Variants in CADM3 observed in about 807,000 individuals in gnomAD.
CADM3 encodes cell adhesion molecule 3.
Under a neutral mutation model 44.9 loss-of-function variants are expected in CADM3, and 11 were observed. The ratio of observed to expected loss-of-function variants is 0.25; its 90% CI spans 0.15 to 0.41. The LOEUF is 0.41. Among genes scored for constraint, CADM3 ranks in the 10% least tolerant of loss-of-function variants. The pLI is 1.00. For synonymous variants in CADM3, 207 were observed against 205.2 expected, an observed-to-expected ratio of 1.01 and a Z score of -0.08; for missense variants, 426 against 512.0, an observed-to-expected ratio of 0.83 and a Z score of 1.62.
intron 1 of CADM3, among the ~76,000 whole-genome samples, chr1:159,182,371 G>C (rs1034224593): frequency 2.0e-5 from 3 of 152,196 alleles, no homozygotes; most frequent in Non-Finnish European, 4.4e-5. Context: ...AAGAGTGGGT[G>C]TCAGCGGAAA....
chr1:159,177,254 C>T (rs758850144), intron 1 of CADM3, among the ~76,000 whole-genome samples: 1 of 152,082 alleles, frequency 6.6e-6, no homozygotes, highest in Non-Finnish European at 1.5e-5. Context: ...AGCACAGTCT[C>T]TTGACTGTGT....
At chr1:159,175,330 A>G (rs1352890969) in intron 1 of CADM3, among the ~76,000 whole-genome samples, 1 of 152,248 alleles carries the variant, frequency 6.6e-6, no homozygotes, top group Non-Finnish European at 1.5e-5. Context: ...AGTTAATTCC[A>G]TGAAGAATCA....
At chr1:159,197,091 A>C in intron 7 of CADM3, 31 bp downstream of exon 7, 1 of 1,603,366 alleles carries the variant, frequency 6.2e-7, no homozygotes, top group Non-Finnish European at 8.5e-7. Context: ...TTCCTCCAGA[A>C]TCTCCTTTCT....
At chr1:159,189,303 T>A (rs1174836693) in intron 1 of CADM3, among the ~76,000 whole-genome samples, 1 of 152,260 alleles carries the variant, frequency 6.6e-6, no homozygotes, top group African/African-American at 2.4e-5. Flanking sequence ...GGGTTACATG[T>A]GAAAGTATTT....
chr1:159,197,224 C>T lies in CADM3; in HGVS notation c.952+164C>T, dbSNP rs36042698. The T allele has an allele frequency of 2.1e-3, 1,351 of 635,826 alleles. 7 individuals are homozygous for T. Among genetic ancestry groups the T allele is most frequent in the African/African-American group, 0.02 (1,087 of 54,436 alleles). 39.4% of individuals were successfully genotyped at this position (635,826 alleles called of 1,614,324 possible). ...CCTGAGGGCTTAGGTCCCAGGTCCA[C>T]TCTAGAATGTGTAATGGCCGCTTAG... On this transcript the variant is annotated intron_variant, in intron 7 of 8. Transcript: ENST00000368125.
chr1:159,189,859 G>A, intron 1 of CADM3: 1 of 1,601,328 alleles, frequency 6.2e-7, no homozygotes, highest in East Asian at 2.2e-5. Context: ...GCCCTGACAT[G>A]CTGGCCAGTC....
At chr1:159,185,413 T>G (rs138299077) in intron 1 of CADM3, among the ~76,000 whole-genome samples, 1 of 151,974 alleles carries the variant, frequency 6.6e-6, no homozygotes, top group Admixed American at 6.6e-5. Flanking sequence ...ACACACAAAA[T>G]ACATGCTTCT....
At chr1:159,191,481 G>A (rs1261886754) in intron 1 of CADM3, among the ~76,000 whole-genome samples, 2 of 152,198 alleles carry the variant, frequency 1.3e-5, no homozygotes, top group African/African-American at 4.8e-5. Context: ...CCCCATTTTA[G>A]TTTTAGGATT....
rs1469007676 is a variant in CADM3, at chr1:159,199,751, A to G, written c.953A>G (p.Asp318Gly). Residue 318 changes from aspartate to glycine, a missense_variant and splice_region_variant, in exon 8 of 9, where the codon GAC becomes GGC. This residue lies in a region of CADM3 where 362 missense variants were observed against 474.6 expected (regional missense o/e 0.76). Transcript: ENST00000368125. ...YKAYYTLNVN[D>G]PSPVPSSSST... is the part of the protein sequence containing the mutation. ...CTGTGTGTGTTGCCCTTTCTTCCAG[A>G]CCCCAGTCCGGTGCCCTCCTCCTCC... 1 of 1,613,566 alleles carries G rather than the reference A, an allele frequency of 6.2e-7. No individual in the cohort carries two copies. The highest frequency in any genetic ancestry group is 8.5e-7 in the Non-Finnish European group (1 of 1,179,914).
rs1320650105 is a variant in CADM3, at chr1:159,174,939, CTT to C, written c.88+3088_88+3089del. The stretch of plus-strand genomic sequence containing the variant: ...AAAGATAGATAGACGGATAGCCTCT[CTT>C]TGTTTCAGATAAGGTTATAGCAATT... On this transcript the variant is annotated intron_variant, in intron 1 of 8. Coordinates refer to ENST00000368125, the MANE Select transcript of CADM3 (RefSeq NM_001127173.3). Among the ~76,000 whole-genome samples, 5 of 152,318 alleles carry C rather than the reference CTT, an allele frequency of 3.3e-5. No homozygotes were observed. The South Asian group carries it at 6.2e-4, about 19-fold the overall frequency.
At chr1:159,178,994 G>A (rs1252639480) in intron 1 of CADM3, among the ~76,000 whole-genome samples, 1 of 152,154 alleles carries the variant, frequency 6.6e-6, no homozygotes, top group Admixed American at 6.5e-5. Flanking sequence ...GAAACAAGGA[G>A]AAACTTCATT....
intron 1 of CADM3, among the ~76,000 whole-genome samples, chr1:159,181,914 T>C (rs1571008916): frequency 6.6e-6 from 1 of 152,100 alleles, no homozygotes; most frequent in East Asian, 1.9e-4. Flanking sequence ...TGCCTCCAGA[T>C]TTTTTCTCTC....
At chr1:159,182,227 C>T (rs1046746553) in intron 1 of CADM3, among the ~76,000 whole-genome samples, 25 of 152,180 alleles carry the variant, frequency 1.6e-4, no homozygotes, top group Non-Finnish European at 2.9e-4. Flanking sequence ...AGATGCCATC[C>T]GCCCCATCTT....
chr1:159,175,605 A>G (rs1380181322), intron 1 of CADM3, among the ~76,000 whole-genome samples: 1 of 152,248 alleles, frequency 6.6e-6, no homozygotes, highest in Admixed American at 6.5e-5. Context: ...GCTTTTACAC[A>G]TTCTTATAAT....
intron 1 of CADM3, among the ~76,000 whole-genome samples, chr1:159,184,480 C>CA (rs1264788432): frequency 2.0e-5 from 3 of 151,470 alleles, no homozygotes; most frequent in African/African-American, 4.9e-5. Flanking sequence ...ACTCAGGGAG[C>CA]TTTTTTTTTC....
rs1419848072 is a variant in CADM3 at position 159,199,858 on chromosome 1, T to C, written c.1060T>C (p.Tyr354His). The change falls in exon 8 of 9, where the codon TAC becomes CAC. Residue 354 changes from tyrosine to histidine, a missense_variant. Around this residue, in one of 2 missense-constraint regions of CADM3, gnomAD observed 362 missense variants for 474.6 expected, o/e 0.76. Coordinates refer to ENST00000368125, the MANE Select transcript of CADM3 (RefSeq NM_001127173.3). ...LLIMLIFLGH[Y>H]LIRHKGTYLT... ...CATCATGCTCATCTTCCTTGGCCAC[T>C]ACTTGATCCGGCACAAAGGTCAGAG... The C allele has an allele frequency of 5.0e-6, 8 of 1,613,984 alleles. No homozygotes were observed. Among genetic ancestry groups the C allele is most frequent in the Middle Eastern group, 1.7e-4 (1 of 6,054 alleles).
At chr1:159,180,488 G>A (rs1276581148) in intron 1 of CADM3, among the ~76,000 whole-genome samples, 2 of 152,180 alleles carry the variant, frequency 1.3e-5, no homozygotes, top group Non-Finnish European at 1.5e-5. Context: ...GAGATCTGTG[G>A]ACTTGGGAGA....
At chr1:159,192,422 T>G (rs568923586) in intron 2 of CADM3, among the ~76,000 whole-genome samples, 156 bp from the exon 3 acceptor site, 3 of 152,136 alleles carry the variant, frequency 2.0e-5, no homozygotes, top group Admixed American at 2.0e-4. Flanking sequence ...AGAAAAGTGA[T>G]TGAATAACTT....
intron 1 of CADM3, among the ~76,000 whole-genome samples, chr1:159,188,891 C>A (rs1250436843): frequency 6.6e-6 from 1 of 152,060 alleles, no homozygotes; most frequent in East Asian, 1.9e-4. Context: ...CTTAGTTTTC[C>A]TTGCAATACC....
Sources: allele counts gnomAD v4.1 joint callset (sites outside exome capture counted in the v4.1 genomes callset), GRCh38; gene constraint gnomAD v4.1.1; regional missense constraint gnomAD v4.1.1; transcripts MANE v1.5; gene names NCBI Gene and HGNC (gene_info 2026-07-23, HGNC 2026-07-21).